The following CIRSR variants were observed in gnomAD, a reference collection of about 807,000 sequenced individuals.
CIRSR encodes the protein CBF1 (RBPJ) interacting corepressor 1.
the CIRSR span, among the ~76,000 whole-genome samples, chr2:174,390,686 C>G: frequency 7.2e-6 from 1 of 138,866 alleles, no homozygotes; most frequent in Non-Finnish European, 1.5e-5. Context: ...CCCATAATCC[C>G]CGCGTATCGT....
the CIRSR span, chr2:174,395,593 G>A: frequency 6.2e-7 from 1 of 1,614,206 alleles, no homozygotes; most frequent in Non-Finnish European, 8.5e-7. Context: ...AGTCTTTCTT[G>A]CACATGAAGT....
At chr2:174,388,707 A>C in the CIRSR span, among the ~76,000 whole-genome samples, 2 of 152,218 alleles carry the variant, frequency 1.3e-5, no homozygotes, top group Non-Finnish European at 2.9e-5. Context: ...ACACACGCAC[A>C]CAAAATATAT....
chr2:174,381,590 G>A, the CIRSR span: 1 of 679,938 alleles, frequency 1.5e-6, no homozygotes. Context: ...GAGGTGGATG[G>A]AGGTTGTAGT....
chr2:174,354,220 C>A, the CIRSR span, among the ~76,000 whole-genome samples: 1 of 150,558 alleles, frequency 6.6e-6, no homozygotes, highest in African/African-American at 2.4e-5. Flanking sequence ...AAATTTAGCA[C>A]ACTTTCACAA....
At chr2:174,388,614 A>G in the CIRSR span, among the ~76,000 whole-genome samples, 12 of 152,280 alleles carry the variant, frequency 7.9e-5, no homozygotes, top group South Asian at 2.5e-3. Context: ...TATCCTTCCA[A>G]GATGTTCTAA....
At chr2:174,395,468 G>A in the CIRSR span, 45 of 1,348,442 alleles carry the variant, frequency 3.3e-5, no homozygotes, top group Non-Finnish European at 4.4e-5. Context: ...AGGGATCTCA[G>A]AGACACCATC....
At chr2:174,355,491 A>C in the CIRSR span, among the ~76,000 whole-genome samples, 1 of 152,234 alleles carries the variant, frequency 6.6e-6, no homozygotes. Flanking sequence ...TCCACTGAAG[A>C]AACTGCTTTC....
At chr2:174,370,074 G>A in the CIRSR span, 1 of 1,346,124 alleles carries the variant, frequency 7.4e-7, no homozygotes, top group Non-Finnish European at 9.9e-7. Context: ...TAGAGTTTCA[G>A]GGCTGGTTCA....
the CIRSR span, among the ~76,000 whole-genome samples, chr2:174,371,288 G>A: frequency 0.57 from 86,015 of 152,118 alleles, 24,882 homozygotes; most frequent in East Asian, 0.8. Flanking sequence ...TATAGTTCAC[G>A]AAAGTTGTTA....
chr2:174,354,905 A>G, the CIRSR span, among the ~76,000 whole-genome samples: 3 of 148,720 alleles, frequency 2.0e-5, no homozygotes, highest in Non-Finnish European at 4.4e-5. Context: ...CCCGGCCACT[A>G]TCCAAATTCC....
the CIRSR span, chr2:174,380,186 AAT>A: frequency 1.9e-6 from 3 of 1,561,950 alleles, no homozygotes; most frequent in South Asian, 1.2e-5. Context: ...TACAGAGTAA[AAT>A]ATGTGTCACT....
chr2:174,376,729 C>T, the CIRSR span, among the ~76,000 whole-genome samples: 15 of 140,458 alleles, frequency 1.1e-4, no homozygotes, highest in African/African-American at 3.8e-4. Context: ...ACCTGGGAGG[C>T]GGAGCTCGCA....
At chr2:174,370,025 C>T in the CIRSR span, 2 of 1,364,560 alleles carry the variant, frequency 1.5e-6, no homozygotes, top group Non-Finnish European at 2.0e-6. Flanking sequence ...CTGCAAAGGG[C>T]AAGAAAGTGA....
the CIRSR span, among the ~76,000 whole-genome samples, chr2:174,382,937 T>C: frequency 2.6e-5 from 4 of 152,294 alleles, no homozygotes; most frequent in East Asian, 3.9e-4. Flanking sequence ...ACAAAGGATA[T>C]ATGACATGAG....
chr2:174,379,116 T>C, the CIRSR span: 6 of 1,022,084 alleles, frequency 5.9e-6, no homozygotes, highest in African/African-American at 3.2e-5. Context: ...TATTCCTTGA[T>C]AGAATTTAAG....
chr2:174,357,983 C>A, the CIRSR span, among the ~76,000 whole-genome samples: 1 of 152,194 alleles, frequency 6.6e-6, no homozygotes, highest in East Asian at 1.9e-4. Flanking sequence ...TTTCCTGACA[C>A]ACTGCCAGTT....
chr2:174,348,576 C>T, the CIRSR span: 4 of 1,614,148 alleles, frequency 2.5e-6, no homozygotes, highest in Non-Finnish European at 3.4e-6. Context: ...CAAGTCTGTG[C>T]CATGGCTTCT....
At chr2:174,354,016 A>G in the CIRSR span, among the ~76,000 whole-genome samples, 2 of 152,150 alleles carry the variant, frequency 1.3e-5, no homozygotes, top group Non-Finnish European at 2.9e-5. Context: ...TAATTTCATC[A>G]GTTTTCATCA....
the CIRSR span, among the ~76,000 whole-genome samples, chr2:174,349,366 A>G: frequency 6.6e-6 from 1 of 152,044 alleles, no homozygotes; most frequent in Non-Finnish European, 1.5e-5. Flanking sequence ...GGAGTTCGAG[A>G]CCAGCCTGAC....
Sources: gnomAD v4.1 joint callset for allele counts (sites outside exome capture counted in the v4.1 genomes callset) on GRCh38, gnomAD v4.1.1 for gene constraint, MANE v1.5 for transcripts, NCBI Gene and HGNC (gene_info 2026-07-23, HGNC 2026-07-21) for gene names.